PASK: variants seen among roughly 807,000 people sequenced by gnomAD.
PASK encodes PAS domain containing serine/threonine kinase, also known as PAS domain-containing serine/threonine-protein kinase.
A neutral mutation model predicts 121.0 loss-of-function variants in PASK; 110 were observed. The ratio of observed to expected loss-of-function variants is 0.91; its 90% confidence interval spans 0.78 to 1.06. PASK has a LOEUF of 1.06. Ranked by LOEUF, PASK falls within the 50% of genes least tolerant of loss-of-function variation. PASK has a pLI of 0.00. For synonymous variants in PASK, 686 were observed against 717.8 expected, an observed-to-expected ratio of 0.96 and a Z score of 0.71; for missense variants, 1,643 against 1,702.3, an observed-to-expected ratio of 0.97 and a Z score of 0.61.
At chr2:241,110,909 T>C (rs1559354872) in intron 15 of PASK, among the ~76,000 whole-genome samples, 2 of 152,166 alleles carry the variant, frequency 1.3e-5, no homozygotes, top group Non-Finnish European at 2.9e-5. Flanking sequence ...TGAAGATGCA[T>C]GGAGGTTCTA....
At chr2:241,115,013 C>A in intron 14 of PASK, 30 bp downstream of exon 14, 1 of 1,614,016 alleles carries the variant, frequency 6.2e-7, no homozygotes, top group South Asian at 1.1e-5. Context: ...GGCCTGCGTT[C>A]ACACTAACAC....
At chr2:241,141,533 G>A (rs573062810) in intron 2 of PASK, among the ~76,000 whole-genome samples, 8 of 152,064 alleles carry the variant, frequency 5.3e-5, no homozygotes, top group Admixed American at 1.3e-4. Flanking sequence ...TCGGGCACCT[G>A]GGCTCCCCCA....
At chr2:241,140,801 A>T (rs1471962113) in intron 2 of PASK, 48 bp from the exon 3 acceptor site, 2 of 1,281,778 alleles carry the variant, frequency 1.6e-6, no homozygotes, top group South Asian at 1.2e-5. Context: ...CAGCTGCCAG[A>T]GTCCACCTTC....
chr2:241,131,883 G>A (rs1168664536), intron 9 of PASK, among the ~76,000 whole-genome samples: 7 of 151,266 alleles, frequency 4.6e-5, no homozygotes, highest in Non-Finnish European at 1.0e-4. Flanking sequence ...GTGAAACCCC[G>A]CCTCTAGTAA....
intron 12 of PASK, among the ~76,000 whole-genome samples, chr2:241,120,182 AC>A (rs1285234886): frequency 6.6e-6 from 1 of 152,080 alleles, no homozygotes; most frequent in African/African-American, 2.4e-5. Flanking sequence ...TAAAAAGACA[AC>A]CCAATTTAAA....
At chr2:241,138,615 C>T (rs1459343369) in intron 5 of PASK, 39 bp downstream of exon 5, 1 of 1,612,162 alleles carries the variant, frequency 6.2e-7, no homozygotes, top group Non-Finnish European at 8.5e-7. Context: ...GACGCCGGCT[C>T]CAGCGTCCAT....
chr2:241,124,153 G>A lies in PASK; in HGVS notation c.2720-20C>T. ...GTATACCTGAAGGGTGAGAAGGTAA[G>A]AACGCACAGGCCTGTGCTGACCTGG... On this transcript the variant is annotated intron_variant, in intron 10 of 17. Transcript: ENST00000234040. 1 of 1,609,160 alleles carries A rather than the reference G, an allele frequency of 6.2e-7. No individual in the cohort carries two copies. Among genetic ancestry groups the A allele is most frequent in the Non-Finnish European group, 8.5e-7 (1 of 1,176,142 alleles).
rs765007699 is a variant in PASK at position 241,139,942 on chromosome 2, G to A, written c.543C>T (p.Ala181=). The part of the protein sequence containing the change: ...FLRSDSDVVE[A]LSEEHMEADG... Reference sequence around the variant, plus strand: ...CGGCCTCCATGTGCTCCTCGCTGAGGGCCTCCACCACATCAGAATCTGACC... The same window carrying A: ...CGGCCTCCATGTGCTCCTCGCTGAGAGCCTCCACCACATCAGAATCTGACC... The change falls in exon 4 of 18, where the codon GCC becomes GCT. Residue 181 remains alanine, a synonymous_variant. Coordinates refer to ENST00000234040, the MANE Select transcript of PASK (RefSeq NM_015148.4). 6.2e-7 allele frequency: 1 copy of A among 1,614,180 alleles called. No homozygotes were observed. The highest frequency in any genetic ancestry group is 1.1e-5 in the South Asian group (1 of 91,088).
chr2:241,114,918 T>A, intron 14 of PASK, 125 bp downstream of exon 14: 1 of 1,574,804 alleles, frequency 6.3e-7, no homozygotes, highest in Non-Finnish European at 8.6e-7. Flanking sequence ...CTCCATGAAA[T>A]CCCCACACAG....
rs1270954938 is a variant in PASK at position 241,123,968 on chromosome 2, G to C, written c.2885C>G (p.Thr962Ser). 1 of 1,613,664 alleles carries C rather than the reference G, an allele frequency of 6.2e-7. No homozygotes were observed. The highest frequency in any genetic ancestry group is 2.2e-5 in the East Asian group (1 of 44,896). Residue 962 changes from threonine (T) to serine (S), a missense_variant, in exon 11 of 18, where the codon ACC (threonine) becomes AGC (serine). Around this residue, in one of 3 missense-constraint regions of PASK, gnomAD observed 453 missense variants for 511.2 expected, o/e 0.89. Transcript: ENST00000234040. ...ACCCACTTCCACCAGGCTGGGTCCG[G>C]TGAGCTCAGCAGCGGTAGAGTGGGT... ...GSTHSTAAEL[T>S]GPSLVEVLRA...
At position 241,136,019 on chromosome 2, in the gene PASK, AG is replaced by A. The variant is rs753997874; in HGVS notation, c.1157del (p.Pro386LeufsTer72). 2.5e-6 allele frequency: 4 copies of A among 1,614,106 alleles called. No homozygotes were observed. The Admixed American group carries it at 6.7e-5, about 27-fold the overall frequency. On this transcript the variant is annotated frameshift_variant, in exon 8 of 18. Transcript: ENST00000234040. LOFTEE classifies it high-confidence loss of function. The stretch of plus-strand genomic sequence containing the variant: ...CAAGGTCCATGTAGCTGTAGAAACC[AG>A]GAATCAGGAAAGTGATATTCTAGAA... The part of the protein sequence containing the change: ...LLGKNITFLI[P>X]GFYSYMDLAY...
In PASK at chr2:241,137,036, A is replaced by C. The variant is rs139054084; in HGVS notation, c.1105T>G (p.Phe369Val). ...GINHSFALTL[F>V]GYGKTELLGK... The stretch of plus-strand genomic sequence containing the variant: ...AGGAGCTCCGTCTTTCCGTAACCAA[A>C]CAGTGTCAGCGCGAAGCTGTGGTTG... Residue 369 changes from phenylalanine (F) to valine (V), a missense_variant, in exon 7 of 18, where the codon TTT becomes GTT. Phe to Val is a conservative substitution (Grantham distance 50). Transcript: ENST00000234040. The C allele has an allele frequency of 1.0e-4, 168 of 1,613,400 alleles. No individual in the cohort carries two copies. Among genetic ancestry groups the C allele is most frequent in the Non-Finnish European group, 1.3e-4 (157 of 1,179,934 alleles).
At chr2:241,149,589 A>C (rs1443285536), upstream of PASK, 11 of 1,472,788 alleles carry the variant, frequency 7.5e-6, no homozygotes, top group East Asian at 2.5e-4. Context: ...GCCCGCGCTA[A>C]GGGTTGCTAG....
chr2:241,115,843 C>G (rs1188651630), intron 12 of PASK, among the ~76,000 whole-genome samples: 1 of 144,438 alleles, frequency 6.9e-6, no homozygotes, highest in Non-Finnish European at 1.5e-5. Flanking sequence ...TCAAGCATCC[C>G]ATTACGCCGG....
At chr2:241,117,291 AAGTGAG>A (rs1323902547) in intron 12 of PASK, among the ~76,000 whole-genome samples, 7 of 152,226 alleles carry the variant, frequency 4.6e-5, no homozygotes, top group Admixed American at 4.6e-4. Flanking sequence ...AAAAGGCCAG[AAGTGAG>A]ACTGAGGGAA....
chr2:241,145,193 G>A (rs922821696), intron 1 of PASK, among the ~76,000 whole-genome samples: 5 of 152,116 alleles, frequency 3.3e-5, no homozygotes, highest in African/African-American at 9.7e-5. Flanking sequence ...GATTACAGGC[G>A]TGAGCCACCG....
chr2:241,140,084 G>A (rs1340146827), intron 3 of PASK, 29 bp from the exon 4 acceptor site: 68 of 1,597,004 alleles, frequency 4.3e-5, no homozygotes, highest in Non-Finnish European at 5.8e-5. Flanking sequence ...GAGCAAGGAT[G>A]CAGACATCCC....
chr2:241,138,511 C>A, intron 5 of PASK, 143 bp downstream of exon 5: 1 of 922,648 alleles, frequency 1.1e-6, no homozygotes, highest in South Asian at 1.5e-5. Context: ...ACGCAATCAG[C>A]GAGGGTACCA....
chr2:241,142,729 G>A, intron 2 of PASK, 108 bp downstream of exon 2: 1 of 883,548 alleles, frequency 1.1e-6, no homozygotes, highest in Non-Finnish European at 1.8e-6. Context: ...TTTCTCTGCA[G>A]GAATAGAGTG....
Sources: allele counts gnomAD v4.1 joint callset (sites outside exome capture counted in the v4.1 genomes callset), GRCh38; gene constraint gnomAD v4.1.1; regional missense constraint gnomAD v4.1.1; transcripts MANE v1.5; gene names NCBI Gene and HGNC (gene_info 2026-07-23, HGNC 2026-07-21).